The following OGDHL variants were observed in gnomAD, a reference collection of about 807,000 sequenced individuals.
OGDHL encodes the protein 2-oxoglutarate dehydrogenase-like, mitochondrial.
A neutral mutation model predicts 109.6 loss-of-function variants in OGDHL; 79 were observed. The observed-to-expected ratio is 0.72, with a 90% CI of 0.60 to 0.87. OGDHL has a LOEUF of 0.87. OGDHL is among the 40% of genes least tolerant of loss of function. OGDHL has a pLI of 0.00. For missense variants in OGDHL, 1,275 were observed against 1,362.2 expected (o/e 0.94, Z 1.01); for synonymous variants, 528 against 537.2 (o/e 0.98, Z 0.24).
chr10:49,740,653 A>G, intron 16 of OGDHL, 57 bp downstream of exon 16: 2 of 1,580,608 alleles, frequency 1.3e-6, no homozygotes, highest in Admixed American at 1.7e-5. Context: ...TTCCCAGCCC[A>G]TCTCTTGTCC....
At chr10:49,747,322 C>A in intron 8 of OGDHL, 114 bp from the exon 9 acceptor site, 3 of 1,102,080 alleles carry the variant, frequency 2.7e-6, no homozygotes, top group Non-Finnish European at 4.0e-6. Flanking sequence ...GATCCCACTG[C>A]CTCAGAGGGC....
chr10:49,746,628 G>A, intron 10 of OGDHL, 122 bp downstream of exon 10: 1 of 1,309,270 alleles, frequency 7.6e-7, no homozygotes, highest in South Asian at 1.4e-5. Flanking sequence ...GCAGGGTCCT[G>A]CCTGGTAAGC....
At chr10:49,758,789 T>C (rs752943758) in intron 1 of OGDHL, 196 bp from the exon 2 acceptor site, 9 of 617,532 alleles carry the variant, frequency 1.5e-5, no homozygotes, top group Non-Finnish European at 2.6e-5. Context: ...CCCAGCTCAG[T>C]AAACTCTATC....
intron 15 of OGDHL, among the ~76,000 whole-genome samples, chr10:49,742,415 CACACATACACACCACACAT>C (rs2132993289): frequency 3.2e-3 from 1 of 310 alleles, no homozygotes; most frequent in African/African-American, 7.5e-3. Context: ...ACACACCATA[CACACATACACACCACACAT>C]ACAACAAACA....
chr10:49,756,412 A>G (rs1460820963), intron 3 of OGDHL, among the ~76,000 whole-genome samples: 1 of 152,180 alleles, frequency 6.6e-6, no homozygotes, highest in African/African-American at 2.4e-5. Flanking sequence ...CTGTTCTCCC[A>G]GGATGCCCAT....
intron 12 of OGDHL, 54 bp from the exon 13 acceptor site, chr10:49,744,806 GC>G: frequency 7.2e-7 from 1 of 1,395,480 alleles, no homozygotes; most frequent in Non-Finnish European, 1.0e-6. Flanking sequence ...GCAGCCAGAC[GC>G]CCAGTCCACT....
Position 49,758,595 on chromosome 10 carries a change from T to C in OGDHL, c.-1-2A>G, listed in dbSNP as rs1375464884. On this transcript the variant is annotated splice_acceptor_variant, in intron 1 of 22. Transcript: ENST00000374103. LOFTEE classifies it low-confidence loss of function (5UTR_SPLICE). ...GGCAGCAGCCTCAGCTGACTCATTC[T>C]GGACACAGGCAATGAAGGAGAGGCA... 14 of 1,613,528 alleles carry C rather than the reference T, an allele frequency of 8.7e-6. No individual in the cohort carries two copies. The highest frequency in any genetic ancestry group is 1.0e-5 in the Non-Finnish European group (12 of 1,180,004).
At chr10:49,760,054 A>G (rs1843173131) in intron 1 of OGDHL, among the ~76,000 whole-genome samples, 1 of 152,258 alleles carries the variant, frequency 6.6e-6, no homozygotes, top group Non-Finnish European at 1.5e-5. Context: ...ACCAGAGGGC[A>G]GGGCACAGCC....
Position 49,757,041 on chromosome 10 carries a change from T to C in OGDHL, c.205-95A>G, listed in dbSNP as rs1447769847. ...GGCCCCAAGGAGTGTCAGGTCTTCC[T>C]TGAGGACCACAGCTCTCAGGGCCTT... is the stretch of plus-strand genomic sequence containing the variant. On this transcript the variant is annotated intron_variant, in intron 2 of 22. Coordinates refer to ENST00000374103, the MANE Select transcript of OGDHL (RefSeq NM_018245.3). 5 of 1,283,828 alleles carry C rather than the reference T, an allele frequency of 3.9e-6. No homozygotes were observed. The East Asian group carries it at 7.1e-5, about 18-fold the overall frequency. The allele number at this position is 1,283,828 out of a possible 1,614,324, so 79.5% of individuals were successfully genotyped here.
chr10:49,747,718 C>A (rs2133042356), intron 8 of OGDHL, among the ~76,000 whole-genome samples: 1 of 152,298 alleles, frequency 6.6e-6, no homozygotes, highest in Admixed American at 6.5e-5. Context: ...CATGGGGGAG[C>A]AAACCCACGC....
At chr10:49,739,126 C>G (rs1234876836) in intron 17 of OGDHL, 1 of 153,040 alleles carries the variant, frequency 6.5e-6, no homozygotes, top group East Asian at 1.9e-4. Context: ...CAGATGGTAT[C>G]ACATGACACC....
intron 13 of OGDHL, 128 bp downstream of exon 13, chr10:49,744,522 C>T: frequency 2.8e-6 from 2 of 718,712 alleles, no homozygotes; most frequent in East Asian, 2.6e-5. Flanking sequence ...TTTGGGGACT[C>T]AGTGATAGAG....
chr10:49,742,394 A>C (rs2132992075), intron 15 of OGDHL, among the ~76,000 whole-genome samples: 2 of 626 alleles, frequency 3.2e-3, no homozygotes, highest in Non-Finnish European at 8.1e-3. Flanking sequence ...CCACACCCCC[A>C]CACACACCAC....
chr10:49,751,431 G>A (rs1381077441), intron 6 of OGDHL, among the ~76,000 whole-genome samples: 1 of 121,278 alleles, frequency 8.2e-6, no homozygotes, highest in Non-Finnish European at 1.9e-5. Context: ...GCTGAGTCAG[G>A]TGCTCCCCCA....
At chr10:49,755,411 A>T (rs1440254391) in intron 3 of OGDHL, among the ~76,000 whole-genome samples, 1 of 152,238 alleles carries the variant, frequency 6.6e-6, no homozygotes, top group African/African-American at 2.4e-5. Flanking sequence ...GAAATGCTAT[A>T]TCTGGGATCT....
At chr10:49,758,086 C>A (rs1843023391) in intron 2 of OGDHL, among the ~76,000 whole-genome samples, 1 of 152,208 alleles carries the variant, frequency 6.6e-6, no homozygotes, top group African/African-American at 2.4e-5. Context: ...TACACAAACA[C>A]GTATGTCCCT....
At chr10:49,744,287 A>T (rs1842019274) in intron 13 of OGDHL, among the ~76,000 whole-genome samples, 165 bp from the exon 14 acceptor site, 1 of 152,076 alleles carries the variant, frequency 6.6e-6, no homozygotes, top group Non-Finnish European at 1.5e-5. Context: ...GGACAGCCAC[A>T]GCTGCAACTC....
Position 49,737,859 on chromosome 10 carries a change from C to G in OGDHL, c.2518-1G>C. On this transcript the variant is annotated splice_acceptor_variant, in intron 19 of 22. Transcript: ENST00000374103. LOFTEE classifies it high-confidence loss of function. ...GAGATTTAGGTGTGAAGATAATCAG[C>G]TGGAAGGGAAATACACGCCCAGCTG... 6.2e-7 allele frequency: 1 copy of G among 1,614,204 alleles called. No individual in the cohort carries two copies. The highest frequency in any genetic ancestry group is 1.1e-5 in the South Asian group (1 of 91,088).
chr10:49,761,970 G>A (rs1189020622), intron 1 of OGDHL, among the ~76,000 whole-genome samples: 1 of 152,188 alleles, frequency 6.6e-6, no homozygotes, highest in Non-Finnish European at 1.5e-5. Context: ...GAAACCCACC[G>A]CGAGCACCCG....
Sources: gnomAD v4.1 joint callset for allele counts (sites outside exome capture counted in the v4.1 genomes callset) on GRCh38, gnomAD v4.1.1 for gene constraint, MANE v1.5 for transcripts, NCBI Gene and HGNC (gene_info 2026-07-23, HGNC 2026-07-21) for gene names.